The following PRKACB variants were observed in gnomAD, a reference collection of about 807,000 sequenced individuals.
PRKACB encodes the protein cAMP-dependent protein kinase catalytic subunit beta.
A neutral mutation model predicts 51.4 loss-of-function variants in PRKACB; 16 were observed. That is an observed-to-expected ratio of 0.31 (90% CI 0.21 to 0.47). The LOEUF is 0.47. Among genes scored for constraint, PRKACB ranks in the 20% least tolerant of loss-of-function variants. PRKACB has a pLI of 1.00. For synonymous variants in PRKACB, 147 were observed against 154.4 expected (o/e 0.95, Z 0.35); for missense variants, 309 against 464.5 (o/e 0.67, Z 3.08).
intron 5 of PRKACB, among the ~76,000 whole-genome samples, chr1:84,194,963 C>T (rs1667811237): frequency 6.6e-6 from 1 of 151,952 alleles, no homozygotes; most frequent in Admixed American, 6.6e-5. Flanking sequence ...TGTATGTGTT[C>T]CTCCAATTAA....
chr1:84,174,654 A>C (rs960650150), intron 1 of PRKACB, among the ~76,000 whole-genome samples: 1 of 151,918 alleles, frequency 6.6e-6, no homozygotes, highest in African/African-American at 2.4e-5. Context: ...ATAATGCGTA[A>C]TGTCTTTCCT....
chr1:84,188,879 G>A (rs868827620), intron 5 of PRKACB, among the ~76,000 whole-genome samples: 1 of 151,798 alleles, frequency 6.6e-6, no homozygotes, highest in Admixed American at 6.6e-5. Flanking sequence ...TCAAAACGGA[G>A]TAACAGGTCA....
chr1:84,213,320 T>C (rs1672403983), intron 8 of PRKACB, among the ~76,000 whole-genome samples: 1 of 152,194 alleles, frequency 6.6e-6, no homozygotes, highest in Non-Finnish European at 1.5e-5. Context: ...GTACCCATTT[T>C]AATTTTTTAG....
intron 1 of PRKACB, among the ~76,000 whole-genome samples, chr1:84,162,073 A>G (rs552795502): frequency 2.6e-5 from 4 of 152,022 alleles, no homozygotes; most frequent in African/African-American, 9.6e-5. Context: ...CTGGATAGAG[A>G]AATGTTGGTG....
chr1:84,225,111 C>T (rs775186122), intron 9 of PRKACB, among the ~76,000 whole-genome samples: 26 of 152,314 alleles, frequency 1.7e-4, no homozygotes, highest in African/African-American at 6.0e-4. Context: ...GGCCTGTCCT[C>T]AGGCCCCTAT....
chr1:84,192,403 G>T (rs369926936), intron 5 of PRKACB, among the ~76,000 whole-genome samples: 99 of 152,170 alleles, frequency 6.5e-4, no homozygotes, highest in African/African-American at 2.2e-3. Flanking sequence ...ATTTCTTTTA[G>T]TATAGGGACA....
chr1:84,158,220 T>C (rs545950652), intron 1 of PRKACB, among the ~76,000 whole-genome samples: 9 of 152,210 alleles, frequency 5.9e-5, no homozygotes, highest in African/African-American at 1.9e-4. Context: ...GTGTTTTTAG[T>C]AGACATGGGG....
chr1:84,193,151 G>A (rs1280305929), intron 5 of PRKACB, among the ~76,000 whole-genome samples: 4 of 152,076 alleles, frequency 2.6e-5, no homozygotes, highest in Non-Finnish European at 5.9e-5. Flanking sequence ...TCAAACAGGA[G>A]TGGGAAAGAG....
chr1:84,180,258 T>G (rs79394255), intron 2 of PRKACB, among the ~76,000 whole-genome samples: 1,759 of 135,968 alleles, frequency 0.013, 42 homozygotes, highest in African/African-American at 0.044. Flanking sequence ...TTAACACATT[T>G]GCAGTGACCT....
At chr1:84,141,163 T>C (rs1653378388), upstream of PRKACB, among the ~76,000 whole-genome samples, 1 of 152,050 alleles carries the variant, frequency 6.6e-6, no homozygotes, top group Non-Finnish European at 1.5e-5. Context: ...CTCATGAAGT[T>C]GATTACTCTC....
chr1:84,093,269 A>ATCTC (rs375522844), intron 1 of PRKACB, among the ~76,000 whole-genome samples: 275 of 146,322 alleles, frequency 1.9e-3, no homozygotes, highest in Admixed American at 4.5e-3. Flanking sequence ...AAGTGTGTGC[A>ATCTC]TCTCTCTCTC....
intron 1 of PRKACB, among the ~76,000 whole-genome samples, chr1:84,113,866 T>G (rs1317372732): frequency 6.6e-6 from 1 of 152,174 alleles, no homozygotes; most frequent in Non-Finnish European, 1.5e-5. Flanking sequence ...CAAATGGGAC[T>G]GAGGCTCCTT....
intron 1 of PRKACB, among the ~76,000 whole-genome samples, chr1:84,131,576 G>A (rs1342100434): frequency 1.5e-4 from 23 of 152,164 alleles, no homozygotes; most frequent in East Asian, 1.9e-4. Context: ...ATTCTTACAA[G>A]ATAAAGCTAA....
At chr1:84,147,311 T>A (rs903323812) in intron 1 of PRKACB, among the ~76,000 whole-genome samples, 2 of 152,026 alleles carry the variant, frequency 1.3e-5, no homozygotes, top group Non-Finnish European at 2.9e-5. Context: ...AGTAGACCAC[T>A]TCAGTCAGTT....
chr1:84,186,649 A>G (rs1558175325), intron 5 of PRKACB, among the ~76,000 whole-genome samples: 1 of 152,114 alleles, frequency 6.6e-6, no homozygotes, highest in South Asian at 2.1e-4. Context: ...TTTGATCAAG[A>G]TCTTTCTCTG....
chr1:84,129,555 A>G (rs1013920405), intron 1 of PRKACB, among the ~76,000 whole-genome samples: 3 of 152,208 alleles, frequency 2.0e-5, no homozygotes, highest in South Asian at 2.1e-4. Flanking sequence ...CACTGAGATT[A>G]AGGTGAAGCA....
chr1:84,175,064 A>G (rs1438202279), intron 1 of PRKACB: 2 of 1,454,878 alleles, frequency 1.4e-6, no homozygotes, highest in Non-Finnish European at 1.8e-6. Flanking sequence ...CTGGTAGGCA[A>G]TTACTTTTTA....
At chr1:84,209,736 T>G (rs1671858585) in intron 8 of PRKACB, among the ~76,000 whole-genome samples, 1 of 152,198 alleles carries the variant, frequency 6.6e-6, no homozygotes, top group Non-Finnish European at 1.5e-5. Context: ...TAAGTTTTAA[T>G]TGTCTTCCTC....
intron 1 of PRKACB, among the ~76,000 whole-genome samples, chr1:84,112,801 T>G (rs1396753176): frequency 6.6e-6 from 1 of 152,028 alleles, no homozygotes; most frequent in Non-Finnish European, 1.5e-5. Context: ...AAGAAACCAG[T>G]GGAAGGTACT....
Sources: allele counts gnomAD v4.1 joint callset (sites outside exome capture counted in the v4.1 genomes callset), GRCh38; gene constraint gnomAD v4.1.1; transcripts MANE v1.5; gene names NCBI Gene and HGNC (gene_info 2026-07-23, HGNC 2026-07-21).